Variants in USP15 observed in about 807,000 individuals in gnomAD.
USP15 encodes ubiquitin specific peptidase 15.
USP15 carries 18 observed loss-of-function variants against 127.1 expected under a neutral mutation model. That is an observed-to-expected ratio of 0.14 (90% CI 0.10 to 0.21). The LOEUF (loss-of-function observed/expected upper bound fraction) is 0.21. Ranked by LOEUF, USP15 falls within the 10% of genes least tolerant of loss-of-function variation. USP15 has a pLI of 1.00. For synonymous variants in USP15, 364 were observed against 393.7 expected, an observed-to-expected ratio of 0.92 and a Z score of 0.89; for missense variants, 805 against 1,159.9, an observed-to-expected ratio of 0.69 and a Z score of 4.44.
intron 7 of USP15, among the ~76,000 whole-genome samples, chr12:62,349,567 T>A (rs11174436): frequency 0.22 from 34,061 of 151,928 alleles, 4,153 homozygotes; most frequent in African/African-American, 0.34. Context: ...TATTTAGAAG[T>A]TTGTTAGAAC....
intron 5 of USP15, 21 bp downstream of exon 5, chr12:62,321,630 A>G: frequency 6.7e-7 from 1 of 1,498,248 alleles, no homozygotes; most frequent in East Asian, 2.4e-5. Context: ...TTTTAAGCAT[A>G]CTGTATTATA....
chr12:62,391,528 A>G, intron 16 of USP15, 99 bp downstream of exon 16: 1 of 1,431,264 alleles, frequency 7.0e-7, no homozygotes, highest in Non-Finnish European at 9.4e-7. Context: ...CAAGAAATAT[A>G]CCATTTACTT....
rs143431567 is a variant in USP15, at chr12:62,408,614, A to G, written c.*4239A>G. On this transcript the variant is annotated 3_prime_UTR_variant, in exon 22 of 22. Transcript: ENST00000280377. ...ACTTAACATGAGGAATTTGGAAACA[A>G]CCTCTCTTGAAAATATATTGGTATT... is the stretch of plus-strand genomic sequence containing the variant. The G allele has an allele frequency of 1.6e-4, 24 of 152,182 alleles. No homozygotes were observed. Among genetic ancestry groups the G allele is most frequent in the Non-Finnish European group, 3.1e-4 (21 of 68,008 alleles). 9.4% of individuals were successfully genotyped at this position (152,182 alleles called of 1,614,324 possible).
intron 1 of USP15, among the ~76,000 whole-genome samples, chr12:62,283,953 C>G (rs1445914894): frequency 6.6e-6 from 1 of 151,982 alleles, no homozygotes; most frequent in African/African-American, 2.4e-5. Context: ...AAAAAACAAA[C>G]AACAAATATT....
chr12:62,302,792 G>T lies in USP15; in HGVS notation c.220G>T (p.Gly74Cys). The change falls in exon 3 of 22, where the codon GGT becomes TGT. Residue 74 changes from glycine (G) to cysteine (C), a missense_variant and splice_region_variant. Transcript: ENST00000280377. ...TGAGTTTATTTTTTCTTTTGCAGAT[G>T]GTGATGCCCAGTCACTTAAGGAACA... ...PIDNSGLLKD[G>C]DAQSLKEHLI... 1 of 1,602,876 alleles carries T rather than the reference G, an allele frequency of 6.2e-7. No homozygotes were observed. Among genetic ancestry groups the T allele is most frequent in the Non-Finnish European group, 8.5e-7 (1 of 1,173,726 alleles).
intron 11 of USP15, among the ~76,000 whole-genome samples, chr12:62,387,946 C>A (rs1477969019): frequency 1.3e-5 from 2 of 152,070 alleles, no homozygotes; most frequent in African/African-American, 2.4e-5. Context: ...AGACATCTTT[C>A]TTTCCATGTG....
intron 8 of USP15, among the ~76,000 whole-genome samples, chr12:62,369,208 G>A (rs2066583329): frequency 6.6e-6 from 1 of 152,208 alleles, no homozygotes; most frequent in Non-Finnish European, 1.5e-5. Context: ...AAGTGAGGCT[G>A]TATCAGGAGG....
At chr12:62,335,652 C>T (rs1452837995) in intron 6 of USP15, 2 of 987,570 alleles carry the variant, frequency 2.0e-6, no homozygotes, top group Non-Finnish European at 2.4e-6. Context: ...TGAATATAAA[C>T]ACATCTTCAT....
chr12:62,292,620 C>G (rs1433562292), intron 1 of USP15, among the ~76,000 whole-genome samples: 2 of 152,188 alleles, frequency 1.3e-5, no homozygotes, highest in African/African-American at 2.4e-5. Context: ...AGCACAGAGG[C>G]CACTTGGCCA....
intron 7 of USP15, among the ~76,000 whole-genome samples, chr12:62,353,473 G>A (rs945100958): frequency 1.3e-5 from 2 of 151,666 alleles, no homozygotes; most frequent in South Asian, 4.2e-4. Context: ...CTTTTCACGT[G>A]TGTGTGTGTG....
intron 1 of USP15, among the ~76,000 whole-genome samples, chr12:62,278,018 A>G (rs903246005): frequency 2.0e-5 from 3 of 152,214 alleles, no homozygotes; most frequent in Non-Finnish European, 4.4e-5. Context: ...ACACCAATAC[A>G]TTATACAGCT....
chr12:62,279,164 C>G (rs2063579359), intron 1 of USP15: 1 of 152,104 alleles, frequency 6.6e-6, no homozygotes, highest in Non-Finnish European at 1.5e-5. Flanking sequence ...TTATTTCTTC[C>G]TTTCCCCAGC....
chr12:62,272,200 G>A (rs1372656908), intron 1 of USP15, among the ~76,000 whole-genome samples: 2 of 151,792 alleles, frequency 1.3e-5, no homozygotes, highest in East Asian at 1.9e-4. Flanking sequence ...AGTCATAAGA[G>A]TGAATTAGTA....
At chr12:62,391,040 G>A (rs1026322387) in intron 15 of USP15, 61 bp downstream of exon 15, 3 of 1,547,176 alleles carry the variant, frequency 1.9e-6, no homozygotes, top group African/African-American at 1.4e-5. Context: ...CAGAGAAAAA[G>A]TTAAGAAAAT....
At chr12:62,332,586 A>G (rs1049133006) in intron 6 of USP15, among the ~76,000 whole-genome samples, 3 of 152,200 alleles carry the variant, frequency 2.0e-5, no homozygotes, top group Non-Finnish European at 2.9e-5. Flanking sequence ...TGATTAGTCA[A>G]AAAGTATTGT....
chr12:62,265,695 C>T (rs2063175779), intron 1 of USP15, among the ~76,000 whole-genome samples: 1 of 152,190 alleles, frequency 6.6e-6, no homozygotes, highest in Admixed American at 6.5e-5. Context: ...TACAGGTGTG[C>T]GCCACCACAC....
At chr12:62,318,984 C>T (rs2064910069) in intron 4 of USP15, among the ~76,000 whole-genome samples, 1 of 151,892 alleles carries the variant, frequency 6.6e-6, no homozygotes, top group South Asian at 2.1e-4. Context: ...TAGTTTCCCA[C>T]CTTTGACCTT....
chr12:62,398,941 T>C (rs184037037), intron 20 of USP15, among the ~76,000 whole-genome samples: 2 of 152,362 alleles, frequency 1.3e-5, no homozygotes, highest in East Asian at 3.9e-4. Flanking sequence ...ATTATACTTA[T>C]GTTCATAATG....
chr12:62,327,858 T>C (rs904758798), intron 6 of USP15: 1 of 252,072 alleles, frequency 4.0e-6, no homozygotes. Context: ...AAGGATGCCA[T>C]ATACTAAAGC....
Sources: gnomAD v4.1 joint callset for allele counts (sites outside exome capture counted in the v4.1 genomes callset) on GRCh38, gnomAD v4.1.1 for gene constraint, MANE v1.5 for transcripts, NCBI Gene and HGNC (gene_info 2026-07-23, HGNC 2026-07-21) for gene names.